KATNAL2: variants seen among roughly 807,000 people sequenced by gnomAD.
The protein encoded by KATNAL2 is katanin p60 ATPase-containing subunit A-like 2.
Under a neutral mutation model 76.3 loss-of-function variants are expected in KATNAL2, and 52 were observed. The ratio of observed to expected loss-of-function variants is 0.68; its 90% CI spans 0.55 to 0.86. KATNAL2 has a LOEUF of 0.86. Among genes scored for constraint, KATNAL2 ranks in the 40% least tolerant of loss-of-function variants. KATNAL2 has a pLI of 0.00. For synonymous variants in KATNAL2, 243 were observed against 244.2 expected (o/e 1.00, Z 0.05); for missense variants, 660 against 668.9 (o/e 0.99, Z 0.15).
intron 3 of KATNAL2, chr18:47,033,570 A>G (rs1328085169): frequency 5.6e-6 from 9 of 1,613,910 alleles, no homozygotes; most frequent in South Asian, 1.1e-5. Flanking sequence ...GATACAGCTG[A>G]TCGGGCCTCC....
chr18:47,031,484 G>T (rs1030466506), intron 3 of KATNAL2, among the ~76,000 whole-genome samples: 5 of 151,864 alleles, frequency 3.3e-5, no homozygotes, highest in Admixed American at 6.6e-5. Context: ...AAATCATTAT[G>T]CCCTGAGAAT....
intron 10 of KATNAL2, among the ~76,000 whole-genome samples, chr18:47,064,055 C>G (rs2061714766): frequency 6.6e-6 from 1 of 152,140 alleles, no homozygotes; most frequent in South Asian, 2.1e-4. Context: ...CCCCAAAATT[C>G]ACAGCTCCTC....
intron 3 of KATNAL2, chr18:47,033,781 G>A (rs1017205498): frequency 6.2e-7 from 1 of 1,614,234 alleles, no homozygotes; most frequent in Non-Finnish European, 8.5e-7. Flanking sequence ...CCGGAACTTT[G>A]GTGAAGAGAG....
At chr18:47,074,239 ATGC>A (rs1430152127) in intron 13 of KATNAL2, among the ~76,000 whole-genome samples, 5 of 152,172 alleles carry the variant, frequency 3.3e-5, no homozygotes, top group Admixed American at 6.6e-5. Flanking sequence ...TAAAAGGGAG[ATGC>A]TGGTGCATGC....
At chr18:46,925,657 G>A (rs2146512685) in intron 1 of KATNAL2, among the ~76,000 whole-genome samples, 1 of 152,288 alleles carries the variant, frequency 6.6e-6, no homozygotes, top group African/African-American at 2.4e-5. Flanking sequence ...CAGAAGGCAT[G>A]GTACCAGCTC....
At chr18:47,031,330 T>A (rs1394941355) in intron 3 of KATNAL2, among the ~76,000 whole-genome samples, 1 of 152,104 alleles carries the variant, frequency 6.6e-6, no homozygotes, top group Non-Finnish European at 1.5e-5. Flanking sequence ...CCATTTGAAA[T>A]ATGTATGTTT....
intron 15 of KATNAL2, among the ~76,000 whole-genome samples, chr18:47,087,902 A>C (rs570721659): frequency 1.3e-5 from 2 of 152,014 alleles, no homozygotes; most frequent in Non-Finnish European, 2.9e-5. Context: ...AAATCTGCCT[A>C]ATCCCACATA....
rs568483295 is a variant in KATNAL2 at position 47,035,354 on chromosome 18, C to T, written c.52-11103C>T. 1,109 of 1,590,860 alleles carry T rather than the reference C, an allele frequency of 7.0e-4. 2 individuals are homozygous for T. The highest frequency in any genetic ancestry group is 8.9e-4 in the Non-Finnish European group (1,044 of 1,168,192). On this transcript the variant is annotated intron_variant, in intron 3 of 17. Coordinates refer to ENST00000683218, the MANE Select transcript of KATNAL2 (RefSeq NM_001387690.1). The stretch of plus-strand genomic sequence containing the variant: ...CAGGAAGTCTGGGGTGGCCGGTCCT[C>T]GCTGCCCGGTCGCCAGGCAGCGACC...
chr18:47,035,975 C>G (rs1471716697), intron 3 of KATNAL2, among the ~76,000 whole-genome samples: 3 of 152,128 alleles, frequency 2.0e-5, no homozygotes, highest in Admixed American at 6.5e-5. Context: ...AAAAATAAAA[C>G]CGGTAGATTT....
rs573483431 is a variant in KATNAL2, at chr18:46,926,442, C to G, written c.-510+8516C>G. ...AGTTCTAGTTTGATTGCACTGTGGTCTGAGAGACAGTTTGTTATAATTGCT... is the reference window on the plus strand; with the variant it reads ...AGTTCTAGTTTGATTGCACTGTGGTGTGAGAGACAGTTTGTTATAATTGCT... On this transcript the variant is annotated intron_variant, in intron 1 of 17. Coordinates refer to ENST00000683218, the MANE Select transcript of KATNAL2 (RefSeq NM_001387690.1). Among the ~76,000 whole-genome samples the G allele has an allele frequency of 7.4e-4, 113 of 152,240 alleles. 2 individuals carry two copies. Among genetic ancestry groups the G allele is most frequent in the African/African-American group, 2.7e-3 (111 of 41,530 alleles).
chr18:46,933,015 G>A (rs181257428), intron 1 of KATNAL2, among the ~76,000 whole-genome samples: 5 of 152,052 alleles, frequency 3.3e-5, no homozygotes, highest in South Asian at 2.1e-4. Flanking sequence ...CGCCCTCCTC[G>A]GCCTCCAAAA....
chr18:47,095,756 G>A (rs1046618208), intron 15 of KATNAL2, among the ~76,000 whole-genome samples: 2 of 152,206 alleles, frequency 1.3e-5, no homozygotes, highest in Non-Finnish European at 2.9e-5. Flanking sequence ...TGTGGGTGCT[G>A]ACCAGTCAAG....
intron 8 of KATNAL2, 31 bp from the exon 9 acceptor site, chr18:47,062,941 C>T (rs764405220): frequency 2.0e-6 from 3 of 1,537,308 alleles, no homozygotes; most frequent in Non-Finnish European, 2.7e-6. Context: ...CTTATGTTCT[C>T]ATGGCATAAA....
chr18:47,034,568 C>A (rs987952691), intron 3 of KATNAL2: 2 of 1,614,208 alleles, frequency 1.2e-6, no homozygotes, highest in Non-Finnish European at 8.5e-7. Flanking sequence ...GGGCGTTTTT[C>A]CTGGCGAGAC....
chr18:47,033,016 A>G, intron 3 of KATNAL2: 2 of 1,614,110 alleles, frequency 1.2e-6, no homozygotes, highest in Non-Finnish European at 1.7e-6. Flanking sequence ...TCGTCGGGAG[A>G]ATCTTCTCTT....
intron 1 of KATNAL2, among the ~76,000 whole-genome samples, chr18:46,943,856 G>A (rs540950985): frequency 1.3e-5 from 2 of 152,166 alleles, no homozygotes; most frequent in Non-Finnish European, 2.9e-5. Context: ...CCAACTTAGT[G>A]AAGCTAACAT....
chr18:47,058,012 G>C (rs193105479), intron 6 of KATNAL2, among the ~76,000 whole-genome samples: 14 of 152,326 alleles, frequency 9.2e-5, no homozygotes, highest in Admixed American at 9.2e-4. Context: ...GAGTTGGGGG[G>C]CTCGAGGAGG....
chr18:47,101,036 G>T lies in KATNAL2; in HGVS notation c.*31G>T. The T allele has an allele frequency of 6.2e-7, 1 of 1,611,976 alleles. No individual in the cohort carries two copies. The highest frequency in any genetic ancestry group is 8.5e-7 in the Non-Finnish European group (1 of 1,178,664). On this transcript the variant is annotated 3_prime_UTR_variant, in exon 18 of 18. Transcript: ENST00000683218. ...CATTTACCCTGACCTGGCCACAAAG[G>T]CAACCACAAAGACCTCCTAGTTTAT...
chr18:47,031,801 T>C (rs2060469205), intron 3 of KATNAL2, among the ~76,000 whole-genome samples: 2 of 152,190 alleles, frequency 1.3e-5, no homozygotes, highest in Admixed American at 1.3e-4. Flanking sequence ...ATATGGTTAC[T>C]GGCAGTGTCA....
Sources: allele counts gnomAD v4.1 joint callset (sites outside exome capture counted in the v4.1 genomes callset), GRCh38; gene constraint gnomAD v4.1.1; transcripts MANE v1.5; gene names NCBI Gene and HGNC (gene_info 2026-07-23, HGNC 2026-07-21).